Variants in GRID2 observed in about 807,000 individuals in gnomAD.
GRID2 encodes the protein glutamate receptor ionotropic, delta-2.
A neutral mutation model predicts 114.8 loss-of-function variants in GRID2; 33 were observed. That is an observed-to-expected ratio of 0.29 (90% confidence interval 0.22 to 0.38). The LOEUF (loss-of-function observed/expected upper bound fraction) is 0.38. GRID2 is among the 10% of genes least tolerant of loss of function. The probability of loss-of-function intolerance (pLI) is 1.00; values close to 1 mark genes in which losing one functional copy is unlikely to be tolerated. For synonymous variants in GRID2, 505 were observed against 449.9 expected (o/e 1.12, Z -1.55); for missense variants, 1,184 against 1,257.7 (o/e 0.94, Z 0.89).
rs542512420 is a variant in GRID2, at chr4:92,441,039, C to T, written c.88+136295C>T. Among the ~76,000 whole-genome samples the T allele has an allele frequency of 2.2e-3, 339 of 151,882 alleles. 4 individuals carry two copies. The highest frequency in any genetic ancestry group is 0.012 in the Admixed American group (183 of 15,254). On this transcript the variant is annotated intron_variant, in intron 1 of 15. Coordinates refer to ENST00000282020, the MANE Select transcript of GRID2 (RefSeq NM_001510.4). Reference sequence around the variant, plus strand: ...AGGGCCTCTAAAAGTATTAAAGCAGCGGCAGCCGCTGCATGCAGACATGAG... The same window carrying T: ...AGGGCCTCTAAAAGTATTAAAGCAGTGGCAGCCGCTGCATGCAGACATGAG...
intron 10 of GRID2, among the ~76,000 whole-genome samples, chr4:93,443,917 C>G (rs2904484): frequency 0.66 from 99,463 of 149,786 alleles, 32,975 homozygotes; most frequent in African/African-American, 0.77. Context: ...GAGAGAGAGA[C>G]ATCTTTCTTG....
intron 1 of GRID2, among the ~76,000 whole-genome samples, chr4:92,333,872 T>A (rs540281107): frequency 1.4e-4 from 22 of 152,266 alleles, no homozygotes; most frequent in South Asian, 8.3e-4. Flanking sequence ...TTGGACTACA[T>A]GCATGTGCCA....
chr4:92,896,579 A>T (rs922852156), intron 2 of GRID2, among the ~76,000 whole-genome samples: 1 of 150,908 alleles, frequency 6.6e-6, no homozygotes, highest in African/African-American at 2.4e-5. Flanking sequence ...TATATAGTCA[A>T]TTGAAAAACT....
intron 14 of GRID2, among the ~76,000 whole-genome samples, chr4:93,727,595 G>A (rs567107960): frequency 7.2e-5 from 11 of 152,218 alleles, no homozygotes; most frequent in East Asian, 5.8e-4. Context: ...GGTAGAATTC[G>A]GCTGTGAATC....
At chr4:93,545,216 G>A (rs945421041) in intron 13 of GRID2, among the ~76,000 whole-genome samples, 3 of 152,214 alleles carry the variant, frequency 2.0e-5, no homozygotes, top group East Asian at 3.9e-4. Context: ...AAATGAAAAC[G>A]GCAGATTCCA....
chr4:93,681,017 A>G (rs34473274), intron 14 of GRID2, among the ~76,000 whole-genome samples: 6 of 151,142 alleles, frequency 4.0e-5, no homozygotes, highest in African/African-American at 1.5e-4. Context: ...ACATGATTGT[A>G]TATCTAGAAA....
intron 1 of GRID2, among the ~76,000 whole-genome samples, chr4:92,515,435 T>C (rs1017529606): frequency 6.6e-6 from 1 of 151,914 alleles, no homozygotes; most frequent in Non-Finnish European, 1.5e-5. Context: ...TAACTATATG[T>C]TTTTCCTCTG....
intron 4 of GRID2, among the ~76,000 whole-genome samples, chr4:93,154,804 A>T (rs1737032199): frequency 6.6e-6 from 1 of 151,420 alleles, no homozygotes; most frequent in Non-Finnish European, 1.5e-5. Flanking sequence ...CCAACAAAAA[A>T]CCCTTTTCCT....
chr4:92,861,767 A>G (rs1744549634), intron 2 of GRID2, among the ~76,000 whole-genome samples: 1 of 151,640 alleles, frequency 6.6e-6, no homozygotes, highest in African/African-American at 2.4e-5. Context: ...TAATCAGACT[A>G]CTCTTTAAGT....
intron 2 of GRID2, among the ~76,000 whole-genome samples, chr4:92,612,858 T>C (rs950122471): frequency 5.9e-5 from 9 of 151,482 alleles, no homozygotes; most frequent in Non-Finnish European, 1.2e-4. Flanking sequence ...AGTAGGATCA[T>C]GTTATGCAAA....
intron 2 of GRID2, among the ~76,000 whole-genome samples, chr4:92,857,378 G>T (rs1744247275): frequency 6.6e-6 from 1 of 152,120 alleles, no homozygotes; most frequent in African/African-American, 2.4e-5. Flanking sequence ...GTGTGTTGGT[G>T]TGTTCTTAAA....
chr4:93,370,208 T>C (rs1370831166), intron 8 of GRID2, among the ~76,000 whole-genome samples: 3 of 152,146 alleles, frequency 2.0e-5, no homozygotes, highest in Non-Finnish European at 2.9e-5. Flanking sequence ...ACACAGACTT[T>C]CTTGTGTTCT....
intron 14 of GRID2, among the ~76,000 whole-genome samples, chr4:93,667,416 C>T (rs1373796255): frequency 6.6e-6 from 1 of 150,444 alleles, no homozygotes; most frequent in Non-Finnish European, 1.5e-5. Context: ...AATCTGTGCT[C>T]TTCATGGCCT....
At chr4:92,472,545 G>A (rs574622852) in intron 1 of GRID2, among the ~76,000 whole-genome samples, 37 of 152,158 alleles carry the variant, frequency 2.4e-4, no homozygotes, top group Admixed American at 9.2e-4. Context: ...TTTCCCACTG[G>A]TAATGTATAA....
chr4:92,462,656 C>T (rs1027684994), intron 1 of GRID2, among the ~76,000 whole-genome samples: 8 of 151,824 alleles, frequency 5.3e-5, no homozygotes, highest in African/African-American at 1.9e-4. Flanking sequence ...GACTCCCTAA[C>T]CAAAACACAT....
intron 2 of GRID2, among the ~76,000 whole-genome samples, chr4:92,654,064 C>G (rs1259469501): frequency 6.6e-6 from 1 of 152,050 alleles, no homozygotes; most frequent in Non-Finnish European, 1.5e-5. Flanking sequence ...GACCATTACT[C>G]CAAAGGGTAA....
intron 2 of GRID2, among the ~76,000 whole-genome samples, chr4:92,881,889 CAT>C (rs1393730381): frequency 6.6e-6 from 1 of 152,038 alleles, no homozygotes; most frequent in African/African-American, 2.4e-5. Flanking sequence ...TACTTTTAAA[CAT>C]ATTGTTTTAA....
At chr4:92,739,780 T>C (rs570779517) in intron 2 of GRID2, among the ~76,000 whole-genome samples, 4 of 152,318 alleles carry the variant, frequency 2.6e-5, no homozygotes, top group African/African-American at 9.6e-5. Context: ...AAAAAGTGTT[T>C]CTGATTCTTC....
intron 2 of GRID2, among the ~76,000 whole-genome samples, chr4:92,672,179 C>G (rs953762598): frequency 6.6e-6 from 1 of 152,080 alleles, no homozygotes; most frequent in Non-Finnish European, 1.5e-5. Flanking sequence ...CCATCACCCA[C>G]CTTCAAAAAT....
Sources: allele counts gnomAD v4.1 joint callset (sites outside exome capture counted in the v4.1 genomes callset), GRCh38; gene constraint gnomAD v4.1.1; transcripts MANE v1.5; gene names NCBI Gene and HGNC (gene_info 2026-07-23, HGNC 2026-07-21).